Variants in EIF4ENIF1 observed in about 807,000 individuals in gnomAD.
EIF4ENIF1 encodes the protein eukaryotic translation initiation factor 4E nuclear import factor 1.
In EIF4ENIF1, 23 loss-of-function variants were observed where a neutral mutation model predicts 110.5. The ratio of observed to expected loss-of-function variants is 0.21; its 90% CI spans 0.15 to 0.29. The LOEUF is 0.29. Among genes scored for constraint, EIF4ENIF1 ranks in the 10% least tolerant of loss-of-function variants. EIF4ENIF1 has a pLI of 1.00. For synonymous variants in EIF4ENIF1, 440 were observed against 437.0 expected, an observed-to-expected ratio of 1.01 and a Z score of -0.09; for missense variants, 1,031 against 1,221.1, an observed-to-expected ratio of 0.84 and a Z score of 2.32.
chr22:31,442,822 A>T, intron 16 of EIF4ENIF1, 140 bp downstream of exon 16: 1 of 1,141,420 alleles, frequency 8.8e-7, no homozygotes, highest in Non-Finnish European at 1.2e-6. Context: ...GAACCTTCTC[A>T]CTGACACAGA....
chr22:31,460,912 T>A (rs2050971981), intron 6 of EIF4ENIF1, among the ~76,000 whole-genome samples: 1 of 152,086 alleles, frequency 6.6e-6, no homozygotes, highest in African/African-American at 2.4e-5. Context: ...GCCACTGCAC[T>A]CCAGCCTAGG....
At chr22:31,446,285 C>CG (rs2050473103) in intron 14 of EIF4ENIF1, among the ~76,000 whole-genome samples, 1 of 105,694 alleles carries the variant, frequency 9.5e-6, no homozygotes, top group Non-Finnish European at 1.8e-5. Context: ...AGATTGTCTC[C>CG]AAAAAAAAAA....
intron 2 of EIF4ENIF1, among the ~76,000 whole-genome samples, chr22:31,475,058 A>T (rs1217071598): frequency 6.6e-6 from 1 of 152,204 alleles, no homozygotes; most frequent in Non-Finnish European, 1.5e-5. Flanking sequence ...GAAGCATCTA[A>T]ATGTTTTCTT....
rs560656475 is a variant in EIF4ENIF1 at position 31,488,499 on chromosome 22, T to C, written c.96+124A>G. The C allele has an allele frequency of 5.1e-6, 7 of 1,365,440 alleles. No individual in the cohort carries two copies. In the South Asian group the frequency reaches 8.8e-5, roughly 17 times the overall value. 84.6% of individuals were successfully genotyped at this position (1,365,440 alleles called of 1,614,324 possible). ...CAAAGTAATGCACTACTAAATTTAG[T>C]TAATATTTAGTCCATGTAGTGAGTC... On this transcript the variant is annotated intron_variant, in intron 2 of 18. Transcript: ENST00000330125.
At chr22:31,448,268 G>A in intron 12 of EIF4ENIF1, 36 bp from the exon 13 acceptor site, 2 of 1,601,030 alleles carry the variant, frequency 1.2e-6, no homozygotes, top group South Asian at 1.1e-5. Flanking sequence ...GTACCAAGAT[G>A]GTATGTGTGC....
At chr22:31,462,728 C>T (rs2051035907) in intron 6 of EIF4ENIF1, among the ~76,000 whole-genome samples, 2 of 152,102 alleles carry the variant, frequency 1.3e-5, no homozygotes, top group Non-Finnish European at 2.9e-5. Context: ...GGACTACAGG[C>T]ACCAGCCACC....
intron 7 of EIF4ENIF1, among the ~76,000 whole-genome samples, chr22:31,457,957 C>T (rs2050879026): frequency 6.6e-6 from 1 of 152,112 alleles, no homozygotes; most frequent in East Asian, 1.9e-4. Context: ...AAGCCAGGTG[C>T]GGTGGCTCAC....
intron 3 of EIF4ENIF1, among the ~76,000 whole-genome samples, chr22:31,469,971 C>T (rs1025351493): frequency 6.6e-6 from 1 of 151,988 alleles, no homozygotes; most frequent in Non-Finnish European, 1.5e-5. Context: ...CGAGACCAGC[C>T]TGGCCAACAT....
chr22:31,443,419 T>TCTGCTAAAG, intron 15 of EIF4ENIF1: 2 of 222,174 alleles, frequency 9.0e-6, no homozygotes, highest in East Asian at 1.1e-4. Flanking sequence ...AGACCTTCCT[T>TCTGCTAAAG]GACATTTCAA....
intron 7 of EIF4ENIF1, among the ~76,000 whole-genome samples, chr22:31,456,316 C>CG (rs2050814589): frequency 6.6e-6 from 1 of 151,528 alleles, no homozygotes; most frequent in African/African-American, 2.4e-5. Context: ...CTCCGCCTCC[C>CG]GGGTTCACAC....
At chr22:31,475,144 A>T (rs1422216044) in intron 2 of EIF4ENIF1, among the ~76,000 whole-genome samples, 1 of 152,246 alleles carries the variant, frequency 6.6e-6, no homozygotes, top group East Asian at 1.9e-4. Flanking sequence ...ATTTGCATTT[A>T]TTTAGGATTT....
intron 2 of EIF4ENIF1, among the ~76,000 whole-genome samples, chr22:31,482,282 G>A (rs1834516319): frequency 6.6e-6 from 1 of 152,184 alleles, no homozygotes; most frequent in Admixed American, 6.6e-5. Context: ...GAGTGTCTCT[G>A]CTTTTATTCC....
rs1278205094 is a variant in EIF4ENIF1, at chr22:31,441,863, C to A, written c.2462G>T (p.Arg821Met). 2 of 1,614,096 alleles carry A rather than the reference C, an allele frequency of 1.2e-6. No individual in the cohort carries two copies. Among genetic ancestry groups the A allele is most frequent in the Non-Finnish European group, 1.7e-6 (2 of 1,180,008 alleles). Residue 821 changes from arginine to methionine, a missense_variant, in exon 17 of 19, where the codon AGG becomes ATG. By Grantham distance (91) the Arg-to-Met change is moderately conservative. Around this residue, in one of 3 missense-constraint regions of EIF4ENIF1, gnomAD observed 309 missense variants for 299.1 expected, o/e 1.03. Coordinates refer to ENST00000330125, the MANE Select transcript of EIF4ENIF1 (RefSeq NM_019843.4). ...VPLVPHVPMV[R>M]PAHQLHPGLV... Reference sequence around the variant, plus strand: ...CCCTGGGTGAAGCTGGTGAGCAGGCCTAACCATAGGGACATGGGGGACAAG... The same window carrying A: ...CCCTGGGTGAAGCTGGTGAGCAGGCATAACCATAGGGACATGGGGGACAAG...
intron 10 of EIF4ENIF1, chr22:31,450,839 T>TACCAC (rs2050635430): frequency 7.0e-6 from 1 of 142,324 alleles, no homozygotes; most frequent in African/African-American, 3.0e-5. Context: ...CACATATATA[T>TACCAC]ATACTACACA....
chr22:31,489,985 C>G (rs1484050299), upstream of EIF4ENIF1: 1 of 152,108 alleles, frequency 6.6e-6, no homozygotes, highest in Non-Finnish European at 1.5e-5. Flanking sequence ...AGAAGCATCG[C>G]CGCGCGCTTC....
intron 2 of EIF4ENIF1, among the ~76,000 whole-genome samples, chr22:31,478,876 C>T (rs1468517429): frequency 6.7e-6 from 1 of 148,824 alleles, no homozygotes; most frequent in Non-Finnish European, 1.5e-5. Context: ...AGCGTGAACC[C>T]GGGAGGCGGA....
Position 31,442,052 on chromosome 22 carries a change from T to G in EIF4ENIF1, c.2273A>C (p.Lys758Thr). Reference protein sequence around the residue: ...DRDSSPTTNSKLSALQRSSCS... With the variant: ...DRDSSPTTNSTLSALQRSSCS... ...CGAAGACCTCTGTAATGCTGACAGT[T>G]TGGAATTTGTAGTGGGAGAAGAGTC... is the stretch of plus-strand genomic sequence containing the variant. The change falls in exon 17 of 19, where the codon AAA (lysine) becomes ACA (threonine). Residue 758 changes from lysine to threonine, a missense_variant. This residue lies in a region of EIF4ENIF1 where 309 missense variants were observed against 299.1 expected (regional missense o/e 1.03). Coordinates refer to ENST00000330125, the MANE Select transcript of EIF4ENIF1 (RefSeq NM_019843.4). 1 of 1,614,096 alleles carries G rather than the reference T, an allele frequency of 6.2e-7. No individual in the cohort carries two copies. Among genetic ancestry groups the G allele is most frequent in the Non-Finnish European group, 8.5e-7 (1 of 1,180,022 alleles).
intron 6 of EIF4ENIF1, 24 bp from the exon 7 acceptor site, chr22:31,458,674 A>C (rs776377545): frequency 6.4e-7 from 1 of 1,550,524 alleles, no homozygotes; most frequent in South Asian, 1.2e-5. Flanking sequence ...CAGGACAAAA[A>C]CCGTCTGATA....
Position 31,439,856 on chromosome 22 carries a change from CTTAG to C in EIF4ENIF1, c.*20_*23del. On this transcript the variant is annotated 3_prime_UTR_variant, in exon 19 of 19. Transcript: ENST00000330125. ...CCCAGTGTGCCACCACAGGTCCGGG[CTTAG>C]TTGAGTCTGCCTGCCCTGCTCACTG... is the stretch of plus-strand genomic sequence containing the variant. 6.2e-7 allele frequency: 1 copy of C among 1,609,030 alleles called. No individual in the cohort carries two copies. The highest frequency in any genetic ancestry group is 1.1e-5 in the South Asian group (1 of 90,946).
Sources: gnomAD v4.1 joint callset for allele counts (sites outside exome capture counted in the v4.1 genomes callset) on GRCh38, gnomAD v4.1.1 for gene constraint, gnomAD v4.1.1 regional missense constraint, MANE v1.5 for transcripts, NCBI Gene and HGNC (gene_info 2026-07-23, HGNC 2026-07-21) for gene names.